UBR1: variants seen among roughly 807,000 people sequenced by gnomAD.
The protein encoded by UBR1 is ubiquitin protein ligase E3 component n-recognin 1.
A neutral mutation model predicts 242.1 loss-of-function variants in UBR1; 102 were observed. That is an observed-to-expected ratio of 0.42 (90% CI 0.36 to 0.50). The LOEUF (loss-of-function observed/expected upper bound fraction) is 0.50, where lower values mean the gene tolerates loss of function less well. Among genes scored for constraint, UBR1 ranks in the 20% least tolerant of loss-of-function variants. UBR1 has a pLI of 0.01. For missense variants in UBR1, 1,772 were observed against 2,101.8 expected (o/e 0.84, Z 3.07); for synonymous variants, 675 against 684.8 (o/e 0.99, Z 0.22).
At chr15:43,074,888 C>T in intron 4 of UBR1, 91 bp downstream of exon 4, 1 of 1,097,266 alleles carries the variant, frequency 9.1e-7, no homozygotes, top group Non-Finnish European at 1.4e-6. Context: ...CAGCAGGGTT[C>T]TAACTGGAAT....
At chr15:43,093,780 G>A (rs922106836) in intron 1 of UBR1, among the ~76,000 whole-genome samples, 4 of 132,634 alleles carry the variant, frequency 3.0e-5, no homozygotes, top group African/African-American at 1.2e-4. Flanking sequence ...ACAGAGTGAG[G>A]CTCCGTCTCC....
rs541543046 is a variant in UBR1, at chr15:43,044,071, A to G, written c.1669-676T>C. ...TTCTAAGCAGAGATATAAAATAAAT[A>G]AAGACAAAAATAAGAGAAATACAAC... On this transcript the variant is annotated intron_variant, in intron 14 of 46. Coordinates refer to ENST00000290650, the MANE Select transcript of UBR1 (RefSeq NM_174916.3). Among the ~76,000 whole-genome samples the G allele has an allele frequency of 8.1e-4, 123 of 152,340 alleles. 1 individual carries two copies. Among genetic ancestry groups the G allele is most frequent in the Middle Eastern group, 3.4e-3 (1 of 294 alleles).
At chr15:42,948,559 C>T (rs1255380520) in intron 46 of UBR1, among the ~76,000 whole-genome samples, 2 of 151,724 alleles carry the variant, frequency 1.3e-5, no homozygotes, top group Non-Finnish European at 2.9e-5. Flanking sequence ...ATCCAGAATC[C>T]ACAATGAACT....
At chr15:42,987,711 CAAAAAA>C (rs35169116) in intron 35 of UBR1, among the ~76,000 whole-genome samples, 2 of 54,636 alleles carry the variant, frequency 3.7e-5, no homozygotes, top group Admixed American at 2.6e-4. Context: ...GACTCTGTCT[CAAAAAA>C]AAAAAAAAAA....
intron 3 of UBR1, among the ~76,000 whole-genome samples, chr15:43,079,098 G>C (rs1245326562): frequency 2.0e-5 from 3 of 152,102 alleles, no homozygotes; most frequent in Admixed American, 2.0e-4. Context: ...CATTGAAATG[G>C]GGGACAGGCA....
At chr15:42,975,277 A>G (rs933733904) in intron 39 of UBR1, among the ~76,000 whole-genome samples, 2 of 152,228 alleles carry the variant, frequency 1.3e-5, no homozygotes, top group Admixed American at 1.3e-4. Flanking sequence ...AAAATGCTAC[A>G]CTATAGCCAC....
chr15:43,009,172 G>A (rs938036083), intron 29 of UBR1, among the ~76,000 whole-genome samples: 26 of 152,204 alleles, frequency 1.7e-4, no homozygotes, highest in African/African-American at 5.3e-4. Flanking sequence ...CCACACCTAG[G>A]GGCTCCCTGA....
At chr15:43,057,136 C>A (rs1200532883) in intron 10 of UBR1, among the ~76,000 whole-genome samples, 2 of 152,134 alleles carry the variant, frequency 1.3e-5, no homozygotes, top group Non-Finnish European at 2.9e-5. Flanking sequence ...GGGAGATTAG[C>A]TTTTGTATAA....
At chr15:42,951,284 G>A (rs1025096873) in intron 45 of UBR1, among the ~76,000 whole-genome samples, 4 of 152,080 alleles carry the variant, frequency 2.6e-5, no homozygotes, top group Non-Finnish European at 4.4e-5. Flanking sequence ...GTGCAGTGGT[G>A]TAATCTCGGC....
chr15:43,004,265 AAAT>A (rs1206072549), intron 30 of UBR1, among the ~76,000 whole-genome samples: 6 of 152,162 alleles, frequency 3.9e-5, no homozygotes, highest in Admixed American at 3.9e-4. Context: ...GTAATTTGAT[AAAT>A]AATAATTTTA....
chr15:42,990,318 C>G (rs920107155), intron 33 of UBR1, among the ~76,000 whole-genome samples, 198 bp from the exon 34 acceptor site: 12 of 152,236 alleles, frequency 7.9e-5, no homozygotes, highest in African/African-American at 2.9e-4. Context: ...TGACTACAGG[C>G]ATGTGCCACC....
intron 14 of UBR1, among the ~76,000 whole-genome samples, chr15:43,046,567 G>A (rs1449680652): frequency 6.6e-6 from 1 of 152,124 alleles, no homozygotes; most frequent in Non-Finnish European, 1.5e-5. Flanking sequence ...AAGACCAATA[G>A]TGAAGACGCA....
chr15:43,005,345 G>A (rs1378941750), intron 30 of UBR1, among the ~76,000 whole-genome samples: 4 of 149,052 alleles, frequency 2.7e-5, no homozygotes, highest in Admixed American at 1.3e-4. Context: ...GGCAGCCCCC[G>A]CCTGGCCAGC....
intron 39 of UBR1, 60 bp from the exon 40 acceptor site, chr15:42,970,667 T>C (rs1243478244): frequency 7.0e-7 from 1 of 1,428,078 alleles, no homozygotes; most frequent in East Asian, 2.3e-5. Context: ...CAAATTAGAC[T>C]TTAATTTCAT....
chr15:43,080,463 T>C (rs2141355864), intron 3 of UBR1, among the ~76,000 whole-genome samples: 1 of 152,310 alleles, frequency 6.6e-6, no homozygotes, highest in Admixed American at 6.5e-5. Flanking sequence ...ATACAGTATG[T>C]AGCCTTTTCA....
intron 12 of UBR1, among the ~76,000 whole-genome samples, chr15:43,053,181 C>A (rs1005738992): frequency 2.6e-5 from 4 of 152,116 alleles, no homozygotes; most frequent in Non-Finnish European, 5.9e-5. Context: ...TTGTAAGCAT[C>A]AGAAGATTTA....
At chr15:43,060,234 T>C in intron 6 of UBR1, 120 bp from the exon 7 acceptor site, 4 of 939,192 alleles carry the variant, frequency 4.3e-6, no homozygotes, top group Non-Finnish European at 5.3e-6. Flanking sequence ...TGACTAAAAG[T>C]TGTAAGATAC....
At chr15:42,976,534 C>T (rs1308377181) in intron 39 of UBR1, among the ~76,000 whole-genome samples, 183 bp downstream of exon 39, 1 of 152,144 alleles carries the variant, frequency 6.6e-6, no homozygotes, top group African/African-American at 2.4e-5. Context: ...ACCTAATTAT[C>T]TTTTTCACAG....
chr15:42,975,779 T>A (rs2032279591), intron 39 of UBR1, among the ~76,000 whole-genome samples: 1 of 151,940 alleles, frequency 6.6e-6, no homozygotes, highest in Non-Finnish European at 1.5e-5. Flanking sequence ...CATGGTGCAA[T>A]CACAGCACTC....
Sources: allele counts gnomAD v4.1 joint callset (sites outside exome capture counted in the v4.1 genomes callset), GRCh38; gene constraint gnomAD v4.1.1; transcripts MANE v1.5; gene names NCBI Gene and HGNC (gene_info 2026-07-23, HGNC 2026-07-21).